C8orf34: variants seen among roughly 807,000 people sequenced by gnomAD.
C8orf34 encodes the protein uncharacterized protein C8orf34.
Under a neutral mutation model 68.3 loss-of-function variants are expected in C8orf34, and 65 were observed. The observed-to-expected ratio is 0.95, with a 90% CI of 0.78 to 1.17. The LOEUF (loss-of-function observed/expected upper bound fraction) is 1.17. C8orf34 is among the 50% of genes most tolerant of loss of function. The pLI is 0.00. For missense variants in C8orf34, 664 were observed against 655.4 expected, an observed-to-expected ratio of 1.01 and a Z score of -0.14; for synonymous variants, 244 against 241.2, an observed-to-expected ratio of 1.01 and a Z score of -0.11.
rs1554595425 is a variant in C8orf34 at position 68,675,578 on chromosome 8, A to AC, written c.1242-33416_1242-33415insC. 1.3e-3 allele frequency among the ~76,000 whole-genome samples: 204 copies of AC among 152,022 alleles called. No homozygotes were observed. In the Middle Eastern group the frequency reaches 0.014, roughly 10 times the overall value. ...TCATAGTAATCTCAAATAAAAAAAA[A>AC]ACACACACAAAATATAAAAAGCAAG... On this transcript the variant is annotated intron_variant, in intron 8 of 13. Transcript: ENST00000518698.
At chr8:68,727,500 G>T (rs1041722860) in intron 10 of C8orf34, among the ~76,000 whole-genome samples, 2 of 152,222 alleles carry the variant, frequency 1.3e-5, no homozygotes, top group African/African-American at 2.4e-5. Flanking sequence ...GCTCCACTAT[G>T]TGGTGCCCCA....
At chr8:68,758,743 C>T (rs1459359002) in intron 10 of C8orf34, among the ~76,000 whole-genome samples, 2 of 138,824 alleles carry the variant, frequency 1.4e-5, no homozygotes, top group Non-Finnish European at 3.1e-5. Context: ...ACATTATTCC[C>T]TTGGACTTTG....
At chr8:68,343,593 A>ATTTT (rs71253080) in intron 1 of C8orf34, among the ~76,000 whole-genome samples, 155 of 137,312 alleles carry the variant, frequency 1.1e-3, no homozygotes, top group East Asian at 0.011. Flanking sequence ...TGCCTAGCTA[A>ATTTT]TTTTTTTTTT....
At chr8:68,737,348 C>A (rs1822150385) in intron 10 of C8orf34, among the ~76,000 whole-genome samples, 1 of 152,032 alleles carries the variant, frequency 6.6e-6, no homozygotes, top group East Asian at 1.9e-4. Flanking sequence ...CTTTTTCATG[C>A]CACAGTTATG....
At chr8:68,667,408 A>G (rs1452372092) in intron 8 of C8orf34, among the ~76,000 whole-genome samples, 1 of 152,182 alleles carries the variant, frequency 6.6e-6, no homozygotes, top group Non-Finnish European at 1.5e-5. Context: ...ATTAATGTCA[A>G]CAGTTTAATT....
chr8:68,760,676 A>C (rs1563653684), intron 10 of C8orf34, among the ~76,000 whole-genome samples: 1 of 152,170 alleles, frequency 6.6e-6, no homozygotes, highest in Non-Finnish European at 1.5e-5. Flanking sequence ...TTTCCTTTAA[A>C]TGACTTTATG....
At chr8:68,616,834 C>A (rs1462077155) in intron 7 of C8orf34, among the ~76,000 whole-genome samples, 2 of 152,080 alleles carry the variant, frequency 1.3e-5, no homozygotes, top group Non-Finnish European at 2.9e-5. Context: ...AGTTCAATTC[C>A]TGGGTATCCT....
chr8:68,610,648 AG>A (rs1220100015), intron 7 of C8orf34, among the ~76,000 whole-genome samples: 3 of 152,136 alleles, frequency 2.0e-5, no homozygotes, highest in African/African-American at 7.2e-5. Flanking sequence ...CCATAGAAGG[AG>A]GTGGAAGATA....
rs374684029 is a variant in C8orf34 at position 68,617,471 on chromosome 8, G to T, written c.1106-22905G>T. On this transcript the variant is annotated intron_variant, in intron 7 of 13. Coordinates refer to ENST00000518698, the MANE Select transcript of C8orf34 (RefSeq NM_052958.4). ...TGCTTCCTTCAGGAGCTCTTGTAGG[G>T]CAGGCCTTGTGGTGACAAAATCTCT... 6.6e-5 allele frequency among the ~76,000 whole-genome samples: 10 copies of T among 152,294 alleles called. No individual in the cohort carries two copies. In the East Asian group the frequency reaches 1.9e-3, roughly 29 times the overall value.
chr8:68,343,783 A>T (rs757673594), intron 1 of C8orf34, among the ~76,000 whole-genome samples: 2 of 152,016 alleles, frequency 1.3e-5, no homozygotes, highest in Non-Finnish European at 2.9e-5. Context: ...TGGTAGAGAC[A>T]GGGTTTCACC....
At chr8:68,441,036 C>T (rs540147189) in intron 2 of C8orf34, among the ~76,000 whole-genome samples, 1 of 152,252 alleles carries the variant, frequency 6.6e-6, no homozygotes, top group Non-Finnish European at 1.5e-5. Flanking sequence ...GATCTCCTGA[C>T]CTCGTGATCC....
At chr8:68,411,591 G>T (rs1809447007) in intron 1 of C8orf34, among the ~76,000 whole-genome samples, 1 of 152,130 alleles carries the variant, frequency 6.6e-6, no homozygotes. Flanking sequence ...AGCAGATACT[G>T]TGTTTTTATC....
Position 68,630,967 on chromosome 8 carries a change from T to TTAA in C8orf34, c.1106-9409_1106-9408insTAA, listed in dbSNP as rs34850011. 5.0e-3 allele frequency among the ~76,000 whole-genome samples: 688 copies of TTAA among 137,142 alleles called. 3 individuals are homozygous for TTAA. Among genetic ancestry groups the TTAA allele is most frequent in the African/African-American group, 0.016 (575 of 34,872 alleles). 90.0% of individuals were successfully genotyped at this position (137,142 alleles called of 152,430 possible). A position where few individuals can be genotyped will look rare whatever the true frequency, so the allele number is the denominator to read the frequency against. On this transcript the variant is annotated intron_variant, in intron 7 of 13. Transcript: ENST00000518698. ...GCTATTTTTTTTTTTTTTTTTTTTTTAAAAAACAGGGCCCCAGCCAAGGTT... is the reference window on the plus strand; with the variant it reads ...GCTATTTTTTTTTTTTTTTTTTTTTTTAAAAAAAACAGGGCCCCAGCCAAGGTT...
At chr8:68,425,230 G>C (rs1226462658) in intron 1 of C8orf34, among the ~76,000 whole-genome samples, 2 of 152,146 alleles carry the variant, frequency 1.3e-5, no homozygotes, top group Admixed American at 6.5e-5. Context: ...TTCTAGACAA[G>C]GATGTTCACT....
chr8:68,393,407 A>G (rs1276161220), intron 1 of C8orf34, among the ~76,000 whole-genome samples: 1 of 152,140 alleles, frequency 6.6e-6, no homozygotes, highest in Non-Finnish European at 1.5e-5. Flanking sequence ...AACAAAGCAC[A>G]GGAATGTGAA....
chr8:68,477,304 A>G (rs1812662181), intron 4 of C8orf34, among the ~76,000 whole-genome samples: 2 of 152,214 alleles, frequency 1.3e-5, no homozygotes, highest in South Asian at 4.1e-4. Flanking sequence ...GCAAGTTTGC[A>G]TTTTTATTTT....
At chr8:68,412,178 A>G (rs1390120227) in intron 1 of C8orf34, among the ~76,000 whole-genome samples, 1 of 152,186 alleles carries the variant, frequency 6.6e-6, no homozygotes, top group African/African-American at 2.4e-5. Flanking sequence ...GTTATTTTTT[A>G]TAGTAGCCGG....
At chr8:68,496,536 T>C (rs1813530808) in intron 5 of C8orf34, among the ~76,000 whole-genome samples, 2 of 152,224 alleles carry the variant, frequency 1.3e-5, no homozygotes, top group Admixed American at 1.3e-4. Context: ...TGCTTCACAC[T>C]GGCTATATGT....
chr8:68,375,515 A>G (rs1807754467), intron 1 of C8orf34, among the ~76,000 whole-genome samples: 3 of 152,200 alleles, frequency 2.0e-5, no homozygotes, highest in Non-Finnish European at 2.9e-5. Context: ...AAACTCATAT[A>G]GAATGTTCAA....
Sources: allele counts gnomAD v4.1 joint callset (sites outside exome capture counted in the v4.1 genomes callset), GRCh38; gene constraint gnomAD v4.1.1; transcripts MANE v1.5; gene names NCBI Gene and HGNC (gene_info 2026-07-23, HGNC 2026-07-21).